The following YPEL2 variants were observed in gnomAD, a reference collection of about 807,000 sequenced individuals.
The protein encoded by YPEL2 is yippee like 2, also known as protein yippee-like 2.
In YPEL2, 2 loss-of-function variants were observed where a neutral mutation model predicts 19.1. The ratio of observed to expected loss-of-function variants is 0.10; its 90% CI spans 0.04 to 0.33. YPEL2 has a LOEUF of 0.33. Ranked by LOEUF, YPEL2 falls within the 10% of genes least tolerant of loss-of-function variation. YPEL2 has a pLI of 1.00. For missense variants in YPEL2, 66 were observed against 140.7 expected (o/e 0.47, Z 2.68); for synonymous variants, 52 against 50.0 (o/e 1.04, Z -0.17).
At chr17:59,339,847 T>C (rs2047718913) in intron 1 of YPEL2, among the ~76,000 whole-genome samples, 1 of 152,178 alleles carries the variant, frequency 6.6e-6, no homozygotes, top group Non-Finnish European at 1.5e-5. Flanking sequence ...TGACCCCTCA[T>C]AGACGCATAA....
At position 59,382,409 on chromosome 17, in the gene YPEL2, G is replaced by A. The variant is rs994115720; in HGVS notation, c.118-5918G>A. Among the ~76,000 whole-genome samples, 7 of 152,286 alleles carry A rather than the reference G, an allele frequency of 4.6e-5. No homozygotes were observed. The South Asian group carries it at 1.5e-3, about 32-fold the overall frequency. On this transcript the variant is annotated intron_variant, in intron 2 of 4. Coordinates refer to ENST00000312655, the MANE Select transcript of YPEL2 (RefSeq NM_001005404.4). ...CGCCTCTCTCTAGGAATTCTAATCTGTGTCAGGCCAGAGAAAGTGACTCTT... is the reference window on the plus strand; with the variant it reads ...CGCCTCTCTCTAGGAATTCTAATCTATGTCAGGCCAGAGAAAGTGACTCTT...
chr17:59,381,344 C>T (rs1007115426), intron 2 of YPEL2, among the ~76,000 whole-genome samples: 9 of 152,166 alleles, frequency 5.9e-5, no homozygotes, highest in African/African-American at 2.2e-4. Flanking sequence ...GAGGCACATG[C>T]TTGGTAGCTG....
At chr17:59,382,709 AT>A (rs2047955945) in intron 2 of YPEL2, among the ~76,000 whole-genome samples, 1 of 152,212 alleles carries the variant, frequency 6.6e-6, no homozygotes, top group Non-Finnish European at 1.5e-5. Flanking sequence ...TTTAAAAAAA[AT>A]CTTGGTTCAT....
intron 2 of YPEL2, among the ~76,000 whole-genome samples, chr17:59,364,386 A>AGT (rs1490820910): frequency 9.9e-5 from 15 of 152,256 alleles, no homozygotes; most frequent in African/African-American, 3.4e-4. Context: ...CTTGGGCAAG[A>AGT]CTGTTCATCT....
At chr17:59,381,607 C>A (rs540119458) in intron 2 of YPEL2, among the ~76,000 whole-genome samples, 23 of 152,206 alleles carry the variant, frequency 1.5e-4, no homozygotes, top group African/African-American at 5.3e-4. Context: ...CAAAGGGGCC[C>A]AAAATCCGTG....
chr17:59,393,437 ATTT>A (rs1015785480), intron 4 of YPEL2, among the ~76,000 whole-genome samples: 1 of 138,712 alleles, frequency 7.2e-6, no homozygotes, highest in Non-Finnish European at 1.6e-5. Context: ...GCCTGGCCGA[ATTT>A]TTTTTTTCAT....
chr17:59,358,384 G>A (rs1352194571), intron 2 of YPEL2, among the ~76,000 whole-genome samples: 1 of 152,056 alleles, frequency 6.6e-6, no homozygotes, highest in East Asian at 1.9e-4. Context: ...TATTGATCTA[G>A]TGGCTGCCAA....
At chr17:59,373,595 A>AC (rs1445002779) in intron 2 of YPEL2, among the ~76,000 whole-genome samples, 2 of 152,350 alleles carry the variant, frequency 1.3e-5, no homozygotes, top group Non-Finnish European at 2.9e-5. Flanking sequence ...AAGGCTCCGG[A>AC]CATGGCTGCT....
intron 2 of YPEL2, among the ~76,000 whole-genome samples, chr17:59,368,747 G>C (rs1331917714): frequency 4.6e-5 from 7 of 152,174 alleles, no homozygotes; most frequent in Admixed American, 4.6e-4. Flanking sequence ...GATGCTGTGA[G>C]GAGCTGCTAA....
chr17:59,346,147 T>A (rs943213899), intron 1 of YPEL2, among the ~76,000 whole-genome samples: 1 of 152,126 alleles, frequency 6.6e-6, no homozygotes, highest in African/African-American at 2.4e-5. Flanking sequence ...TTTTTCTGTC[T>A]CCCACTCCCA....
At chr17:59,361,552 C>T (rs567642503) in intron 2 of YPEL2, among the ~76,000 whole-genome samples, 2 of 152,278 alleles carry the variant, frequency 1.3e-5, no homozygotes, top group South Asian at 4.1e-4. Flanking sequence ...AGCACAGCTC[C>T]TAAGACTGGT....
At chr17:59,378,264 TA>T (rs2047931972) in intron 2 of YPEL2, among the ~76,000 whole-genome samples, 1 of 151,652 alleles carries the variant, frequency 6.6e-6, no homozygotes, top group African/African-American at 2.4e-5. Flanking sequence ...AAAAGGACTC[TA>T]AAAGGGCCCA....
intron 2 of YPEL2, chr17:59,354,866 C>G (rs183004271): frequency 3.2e-4 from 48 of 152,188 alleles, no homozygotes; most frequent in African/African-American, 1.1e-3. Flanking sequence ...CCCCTTGAGT[C>G]TGGAAGTTTG....
chr17:59,378,766 C>G (rs2047934762), intron 2 of YPEL2, among the ~76,000 whole-genome samples: 2 of 152,188 alleles, frequency 1.3e-5, no homozygotes, highest in South Asian at 4.1e-4. Context: ...CAGATATTTC[C>G]TCCTTTAGAG....
intron 2 of YPEL2, among the ~76,000 whole-genome samples, chr17:59,363,965 C>T (rs749345835): frequency 5.9e-5 from 9 of 152,156 alleles, no homozygotes; most frequent in Non-Finnish European, 1.3e-4. Flanking sequence ...GACCAGTTCA[C>T]ATCTTTTTTT....
chr17:59,382,231 A>G (rs1344484187), intron 2 of YPEL2, among the ~76,000 whole-genome samples: 1 of 152,254 alleles, frequency 6.6e-6, no homozygotes, highest in Non-Finnish European at 1.5e-5. Flanking sequence ...TATGGCCACC[A>G]GGACAGCCCT....
intron 4 of YPEL2, among the ~76,000 whole-genome samples, chr17:59,393,367 T>C (rs1464900118): frequency 6.6e-6 from 1 of 150,562 alleles, no homozygotes; most frequent in African/African-American, 2.4e-5. Context: ...CAAACCGGCC[T>C]CAAGCAGTCT....
intron 2 of YPEL2, 22 bp from the exon 3 acceptor site, chr17:59,388,305 G>T: frequency 1.2e-6 from 2 of 1,613,768 alleles, no homozygotes; most frequent in African/African-American, 1.3e-5. Context: ...TCTAACTATC[G>T]ATTTGTTTTC....
intron 4 of YPEL2, among the ~76,000 whole-genome samples, chr17:59,395,618 G>A (rs2048034997): frequency 6.6e-6 from 1 of 152,108 alleles, no homozygotes; most frequent in Non-Finnish European, 1.5e-5. Flanking sequence ...AGTTAGGTGG[G>A]GCTTAAGGAC....
Sources: allele counts gnomAD v4.1 joint callset (sites outside exome capture counted in the v4.1 genomes callset), GRCh38; gene constraint gnomAD v4.1.1; transcripts MANE v1.5; gene names NCBI Gene and HGNC (gene_info 2026-07-23, HGNC 2026-07-21).